STXBP5L: variants seen among roughly 807,000 people sequenced by gnomAD.
STXBP5L encodes syntaxin-binding protein 5-like.
A neutral mutation model predicts 144.5 loss-of-function variants in STXBP5L; 65 were observed. The ratio of observed to expected loss-of-function variants is 0.45; its 90% CI spans 0.37 to 0.55. The LOEUF (loss-of-function observed/expected upper bound fraction) is 0.55, where lower values mean the gene tolerates loss of function less well. Among genes scored for constraint, STXBP5L ranks in the 20% least tolerant of loss-of-function variants. STXBP5L has a pLI of 0.00. For synonymous variants in STXBP5L, 505 were observed against 469.6 expected (o/e 1.08, Z -0.97); for missense variants, 1,298 against 1,405.5 (o/e 0.92, Z 1.22).
intron 9 of STXBP5L, among the ~76,000 whole-genome samples, chr3:121,179,461 T>G (rs947073905): frequency 6.6e-6 from 1 of 152,038 alleles, no homozygotes; most frequent in Non-Finnish European, 1.5e-5. Context: ...CAAAAACAAT[T>G]TGAAGACATA....
chr3:121,324,270 C>A (rs1188957005), intron 20 of STXBP5L, among the ~76,000 whole-genome samples: 1 of 152,118 alleles, frequency 6.6e-6, no homozygotes. Flanking sequence ...TCCTTCTGGG[C>A]ATTCCTATGT....
At chr3:120,958,748 C>A (rs1023999554) in intron 3 of STXBP5L, among the ~76,000 whole-genome samples, 3 of 152,086 alleles carry the variant, frequency 2.0e-5, no homozygotes, top group African/African-American at 7.2e-5. Context: ...ATTGATGGGA[C>A]GTATCTCTAA....
Position 121,295,101 on chromosome 3 carries a change from G to T in STXBP5L, c.2110+15145G>T, listed in dbSNP as rs187607195. The stretch of plus-strand genomic sequence containing the variant: ...AAGATGTTAAAAGGAGTAGTTTGGG[G>T]TTTTTTTAATTTTAGAGAAAAGAGC... On this transcript the variant is annotated intron_variant, in intron 19 of 26. Transcript: ENST00000471454. Among the ~76,000 whole-genome samples, 87 of 152,112 alleles carry T rather than the reference G, an allele frequency of 5.7e-4. 1 individual carries two copies. The East Asian group carries it at 0.014, about 25-fold the overall frequency.
intron 22 of STXBP5L, among the ~76,000 whole-genome samples, chr3:121,397,239 A>C (rs1414935990): frequency 6.6e-6 from 1 of 152,252 alleles, no homozygotes; most frequent in Non-Finnish European, 1.5e-5. Flanking sequence ...TGACTATTAA[A>C]GGCCAATTTT....
chr3:120,916,857 T>G (rs887565991), intron 2 of STXBP5L, among the ~76,000 whole-genome samples: 8 of 152,322 alleles, frequency 5.3e-5, no homozygotes, highest in African/African-American at 1.9e-4. Context: ...CTAGCTGGAT[T>G]GGTTAATGTT....
At chr3:121,167,117 C>G (rs977061783) in intron 9 of STXBP5L, among the ~76,000 whole-genome samples, 1 of 152,074 alleles carries the variant, frequency 6.6e-6, no homozygotes, top group African/African-American at 2.4e-5. Flanking sequence ...AGGAAGCAAG[C>G]ATTGAAAATA....
intron 22 of STXBP5L, 71 bp downstream of exon 22, chr3:121,381,603 A>G (rs1268357320): frequency 3.2e-6 from 5 of 1,552,126 alleles, no homozygotes; most frequent in Non-Finnish European, 4.3e-6. Context: ...TTATAAACAT[A>G]AATTTGTATT....
chr3:120,961,207 T>C (rs982927639), intron 3 of STXBP5L, among the ~76,000 whole-genome samples: 6 of 151,146 alleles, frequency 4.0e-5, no homozygotes, highest in East Asian at 1.9e-4. Context: ...GTTTTTTTTT[T>C]CCCCCGTGAT....
chr3:121,381,033 G>T (rs995499610), intron 21 of STXBP5L, among the ~76,000 whole-genome samples: 35 of 152,060 alleles, frequency 2.3e-4, no homozygotes, highest in African/African-American at 8.2e-4. Context: ...TTAACGTAGA[G>T]AAAGAAAAAT....
At chr3:121,187,333 T>G (rs2047430096) in intron 9 of STXBP5L, among the ~76,000 whole-genome samples, 1 of 144,212 alleles carries the variant, frequency 6.9e-6, no homozygotes, top group South Asian at 2.2e-4. Context: ...TTCTCACTCT[T>G]AGGTGGGAAT....
chr3:121,068,074 A>G (rs949929767), intron 5 of STXBP5L, among the ~76,000 whole-genome samples: 1 of 152,264 alleles, frequency 6.6e-6, no homozygotes, highest in African/African-American at 2.4e-5. Flanking sequence ...CAGTGGCACA[A>G]TCTCAGCTCA....
intron 20 of STXBP5L, among the ~76,000 whole-genome samples, chr3:121,321,698 G>T (rs1444716453): frequency 1.3e-5 from 2 of 152,126 alleles, no homozygotes; most frequent in Non-Finnish European, 2.9e-5. Flanking sequence ...TACCTCCCCT[G>T]TAGGTATCTG....
chr3:121,297,006 G>C (rs1476217625), intron 19 of STXBP5L, among the ~76,000 whole-genome samples: 1 of 152,140 alleles, frequency 6.6e-6, no homozygotes, highest in Non-Finnish European at 1.5e-5. Flanking sequence ...CATCCCAACT[G>C]TGTCACTGCA....
Position 121,381,392 on chromosome 3 carries a change from C to A in STXBP5L, c.2447C>A (p.Ser816Tyr), listed in dbSNP as rs2046320025. The A allele has an allele frequency of 6.2e-7, 1 of 1,611,262 alleles. No homozygotes were observed. The highest frequency in any genetic ancestry group is 8.5e-7 in the Non-Finnish European group (1 of 1,178,956). ...EAITALYFMD[S>Y]FARKNDSTIS... ...ATTACAGCACTATACTTCATGGACT[C>A]CTTTGCACGGAAAAATGACTCTACC... Residue 816 changes from serine to tyrosine, a missense_variant, in exon 22 of 27, where the codon TCC becomes TAC. Coordinates refer to ENST00000471454, the MANE Select transcript of STXBP5L (RefSeq NM_001308330.2).
rs75599637 is a variant in STXBP5L at position 121,204,946 on chromosome 3, G to A, written c.878-977G>A. On this transcript the variant is annotated intron_variant, in intron 9 of 26. Transcript: ENST00000471454. ...TAAGAAATTATCATTTTTGTTTTAT[G>A]CAAAATGAATACATCATTAAAATGA... is the stretch of plus-strand genomic sequence containing the variant. 6.8e-3 allele frequency among the ~76,000 whole-genome samples: 1,027 copies of A among 152,142 alleles called. 6 individuals are homozygous for A. The highest frequency in any genetic ancestry group is 0.013 in the South Asian group (64 of 4,826).
chr3:121,117,269 A>T (rs1398294547), intron 6 of STXBP5L, among the ~76,000 whole-genome samples: 1 of 151,912 alleles, frequency 6.6e-6, no homozygotes, highest in Non-Finnish European at 1.5e-5. Flanking sequence ...TATTTTATAT[A>T]TAAACCTGTG....
At chr3:121,356,675 G>T (rs2045525916) in intron 20 of STXBP5L, among the ~76,000 whole-genome samples, 2 of 152,138 alleles carry the variant, frequency 1.3e-5, no homozygotes, top group Non-Finnish European at 2.9e-5. Context: ...CCCTGCTTCA[G>T]CTCACCCTCC....
chr3:121,065,436 A>T (rs2041498715), intron 5 of STXBP5L, among the ~76,000 whole-genome samples: 1 of 152,216 alleles, frequency 6.6e-6, no homozygotes, highest in Non-Finnish European at 1.5e-5. Context: ...ACCATATTAC[A>T]CTAGTTAGGA....
chr3:121,393,813 C>T (rs1389489504), intron 22 of STXBP5L, among the ~76,000 whole-genome samples: 2 of 152,074 alleles, frequency 1.3e-5, no homozygotes, highest in Non-Finnish European at 2.9e-5. Context: ...GAGTACTCTG[C>T]TGTTTTGGTT....
Sources: allele counts gnomAD v4.1 joint callset (sites outside exome capture counted in the v4.1 genomes callset), GRCh38; gene constraint gnomAD v4.1.1; transcripts MANE v1.5; gene names NCBI Gene and HGNC (gene_info 2026-07-23, HGNC 2026-07-21).